The following TANC1 variants were observed in gnomAD, a reference collection of about 807,000 sequenced individuals.
TANC1 encodes the protein protein TANC1.
A neutral mutation model predicts 149.7 loss-of-function variants in TANC1; 77 were observed. The ratio of observed to expected loss-of-function variants is 0.51; its 90% CI spans 0.43 to 0.62. The LOEUF is 0.62. TANC1 is among the 20% of genes least tolerant of loss of function. The probability of loss-of-function intolerance (pLI) is 0.00; values close to 1 mark genes in which losing one functional copy is unlikely to be tolerated. For missense variants in TANC1, 1,985 were observed against 2,321.8 expected (o/e 0.85, Z 2.98); for synonymous variants, 854 against 925.0 (o/e 0.92, Z 1.39).
chr2:159,016,120 A>G (rs2038241892), intron 2 of TANC1, among the ~76,000 whole-genome samples: 1 of 152,226 alleles, frequency 6.6e-6, no homozygotes, highest in South Asian at 2.1e-4. Context: ...TTACAAAAGA[A>G]AGAGATTTAA....
chr2:158,974,452 G>A (rs569877177), intron 1 of TANC1, among the ~76,000 whole-genome samples: 4 of 151,780 alleles, frequency 2.6e-5, no homozygotes, highest in Non-Finnish European at 4.4e-5. Flanking sequence ...TTATTATTTC[G>A]AGACAGAGTC....
chr2:159,028,125 CT>C (rs551825617), intron 2 of TANC1, among the ~76,000 whole-genome samples: 1 of 151,324 alleles, frequency 6.6e-6, no homozygotes, highest in South Asian at 2.1e-4. Context: ...ATGCTAATTG[CT>C]TTTTTTTTCT....
intron 4 of TANC1, among the ~76,000 whole-genome samples, chr2:159,115,152 C>T (rs181319611): frequency 4.0e-5 from 6 of 151,384 alleles, no homozygotes; most frequent in Non-Finnish European, 8.8e-5. Context: ...GCGAGACTCT[C>T]CTTTCGGAAG....
intron 16 of TANC1, among the ~76,000 whole-genome samples, chr2:159,191,558 G>T (rs1450605095): frequency 6.6e-6 from 1 of 152,140 alleles, no homozygotes; most frequent in Non-Finnish European, 1.5e-5. Flanking sequence ...AGTGAGGGAA[G>T]GATTCTGCAG....
rs115816039 is a variant in TANC1 at position 158,970,841 on chromosome 2, C to T, written c.-126+2059C>T. ...TGAGTTTTTATGACCCTGTCTTGCACATGTGGTGCCCCAAACTTAACTTTT... is the reference window on the plus strand; with the variant it reads ...TGAGTTTTTATGACCCTGTCTTGCATATGTGGTGCCCCAAACTTAACTTTT... On this transcript the variant is annotated intron_variant, in intron 1 of 26. Transcript: ENST00000263635. Among the ~76,000 whole-genome samples the T allele has an allele frequency of 4.4e-3, 669 of 152,274 alleles. 13 individuals carry two copies. Among genetic ancestry groups the T allele is most frequent in the Non-Finnish European group, 2.5e-3 (173 of 68,028 alleles).
chr2:159,105,918 C>T (rs985212945), intron 4 of TANC1, among the ~76,000 whole-genome samples: 3 of 150,886 alleles, frequency 2.0e-5, no homozygotes, highest in Non-Finnish European at 4.4e-5. Context: ...ATATGTGTTT[C>T]TTATTGATTT....
intron 2 of TANC1, among the ~76,000 whole-genome samples, chr2:159,030,014 A>G (rs183736868): frequency 1.1e-3 from 174 of 152,346 alleles, no homozygotes; most frequent in African/African-American, 3.8e-3. Context: ...CATGTCTTCA[A>G]TAACACTGAG....
chr2:159,014,796 T>A (rs913797997), intron 2 of TANC1, among the ~76,000 whole-genome samples: 8 of 152,110 alleles, frequency 5.3e-5, no homozygotes, highest in Non-Finnish European at 1.0e-4. Flanking sequence ...ATCTTAAAGC[T>A]CCAAACTGAT....
At chr2:159,151,333 T>G (rs1244358807) in intron 7 of TANC1, among the ~76,000 whole-genome samples, 1 of 152,228 alleles carries the variant, frequency 6.6e-6, no homozygotes, top group Non-Finnish European at 1.5e-5. Context: ...CCAGTGTCTG[T>G]GTGACTCAGG....
chr2:159,008,969 A>G (rs780423951), intron 2 of TANC1, among the ~76,000 whole-genome samples: 63 of 152,156 alleles, frequency 4.1e-4, no homozygotes, highest in Admixed American at 2.0e-4. Flanking sequence ...TGGTTGGGGT[A>G]AGCTGATCAT....
chr2:159,005,820 A>G (rs1242058571), intron 2 of TANC1, among the ~76,000 whole-genome samples: 1 of 152,080 alleles, frequency 6.6e-6, no homozygotes, highest in Non-Finnish European at 1.5e-5. Flanking sequence ...AAAAAAAAGA[A>G]AATTGTCCTT....
intron 4 of TANC1, among the ~76,000 whole-genome samples, chr2:159,132,965 G>T (rs1025644634): frequency 6.6e-6 from 1 of 152,100 alleles, no homozygotes; most frequent in African/African-American, 2.4e-5. Context: ...GTGATACTGG[G>T]TTCCAGGATC....
intron 1 of TANC1, among the ~76,000 whole-genome samples, chr2:158,989,741 G>A (rs2149268404): frequency 6.6e-6 from 1 of 152,022 alleles, no homozygotes; most frequent in South Asian, 2.1e-4. Flanking sequence ...AAGATGTCAA[G>A]TCCCTTAGGA....
intron 23 of TANC1, chr2:159,224,929 G>A (rs921145946): frequency 6.2e-6 from 1 of 160,002 alleles, no homozygotes; most frequent in South Asian, 1.8e-4. Context: ...TTGGTTTGAT[G>A]TATGGAGCCC....
chr2:159,115,198 ATGTG>A (rs1480822825), intron 4 of TANC1, among the ~76,000 whole-genome samples: 2 of 134,276 alleles, frequency 1.5e-5, no homozygotes, highest in African/African-American at 2.8e-5. Flanking sequence ...GTGTGTGTGT[ATGTG>A]TGTCCGTGTG....
chr2:159,050,164 A>G (rs2041362909), intron 2 of TANC1, among the ~76,000 whole-genome samples: 1 of 152,180 alleles, frequency 6.6e-6, no homozygotes, highest in Non-Finnish European at 1.5e-5. Flanking sequence ...CTCAAGTGCA[A>G]TGGCATGATT....
At chr2:159,207,138 G>A (rs1472734086) in intron 19 of TANC1, among the ~76,000 whole-genome samples, 1 of 152,192 alleles carries the variant, frequency 6.6e-6, no homozygotes, top group Non-Finnish European at 1.5e-5. Context: ...ACTAAGTCAG[G>A]AATAGGACAT....
intron 10 of TANC1, among the ~76,000 whole-genome samples, chr2:159,171,686 G>A (rs896124306): frequency 3.3e-5 from 5 of 151,752 alleles, no homozygotes; most frequent in African/African-American, 7.3e-5. Context: ...GTAAAACCCC[G>A]TCTCTACTGA....
chr2:158,987,968 C>T (rs1318971577), intron 1 of TANC1, among the ~76,000 whole-genome samples: 3 of 152,094 alleles, frequency 2.0e-5, no homozygotes, highest in African/African-American at 7.2e-5. Context: ...ACATTACCTA[C>T]CTTACTCTAA....
Sources: gnomAD v4.1 joint callset for allele counts (sites outside exome capture counted in the v4.1 genomes callset) on GRCh38, gnomAD v4.1.1 for gene constraint, MANE v1.5 for transcripts, NCBI Gene and HGNC (gene_info 2026-07-23, HGNC 2026-07-21) for gene names.